The following EIF3H variants were observed in gnomAD, a reference collection of about 807,000 sequenced individuals.
EIF3H encodes the protein eIF-3-gamma.
Under a neutral mutation model 44.2 loss-of-function variants are expected in EIF3H, and 26 were observed. The observed-to-expected ratio is 0.59, with a 90% CI of 0.43 to 0.82. The LOEUF (loss-of-function observed/expected upper bound fraction) is 0.82. Among genes scored for constraint, EIF3H ranks in the 40% least tolerant of loss-of-function variants. The pLI is 0.00. For missense variants in EIF3H, 359 were observed against 432.8 expected (o/e 0.83, Z 1.51); for synonymous variants, 166 against 151.9 (o/e 1.09, Z -0.68).
At chr8:116,735,292 C>A (rs1265476853) in intron 1 of EIF3H, among the ~76,000 whole-genome samples, 4 of 152,188 alleles carry the variant, frequency 2.6e-5, no homozygotes, top group African/African-American at 7.2e-5. Context: ...AAAGTAGAAA[C>A]TGAGACCTTT....
At chr8:116,711,707 G>A (rs1814575291) in intron 2 of EIF3H, among the ~76,000 whole-genome samples, 1 of 152,192 alleles carries the variant, frequency 6.6e-6, no homozygotes, top group Admixed American at 6.5e-5. Flanking sequence ...ACGTAAATAT[G>A]TGTTTATAAC....
intron 5 of EIF3H, among the ~76,000 whole-genome samples, chr8:116,654,702 T>TA (rs987492143): frequency 6.6e-6 from 1 of 152,186 alleles, no homozygotes; most frequent in Non-Finnish European, 1.5e-5. Context: ...CTGGCTGTGT[T>TA]ACTGAGCACT....
At chr8:116,661,179 A>G (rs1227031219) in intron 2 of EIF3H, among the ~76,000 whole-genome samples, 1 of 152,226 alleles carries the variant, frequency 6.6e-6, no homozygotes, top group East Asian at 1.9e-4. Flanking sequence ...ATAAATTTTA[A>G]TCAAATTTAA....
exon 1 of EIF3H, chr8:116,765,842 G>C (rs200020280): frequency 1.3e-5 from 2 of 152,230 alleles, no homozygotes; most frequent in Non-Finnish European, 2.9e-5. Context: ...AAGCTCTTGA[G>C]AGTTCTTCCA....
At chr8:116,761,699 C>T (rs117225639) in intron 1 of EIF3H, among the ~76,000 whole-genome samples, 1,641 of 152,300 alleles carry the variant, frequency 0.011, 16 homozygotes, top group Non-Finnish European at 0.019. Flanking sequence ...ATGATGGGCA[C>T]TTCCTGTTTA....
At chr8:116,699,479 G>A (rs1203329946) in intron 2 of EIF3H, among the ~76,000 whole-genome samples, 1 of 152,124 alleles carries the variant, frequency 6.6e-6, no homozygotes, top group Admixed American at 6.5e-5. Context: ...GTTCTCACTT[G>A]TAAGTGGGAG....
intron 1 of EIF3H, among the ~76,000 whole-genome samples, chr8:116,741,577 G>C (rs1049560524): frequency 3.3e-5 from 5 of 152,246 alleles, no homozygotes; most frequent in Non-Finnish European, 7.3e-5. Flanking sequence ...TCACTGCCTA[G>C]TTGAAGAAGA....
At chr8:116,659,468 C>T (rs1813548137) in intron 2 of EIF3H, among the ~76,000 whole-genome samples, 1 of 152,148 alleles carries the variant, frequency 6.6e-6, no homozygotes, top group South Asian at 2.1e-4. Flanking sequence ...AACCACACTG[C>T]TTATATATGA....
intron 6 of EIF3H, among the ~76,000 whole-genome samples, chr8:116,647,401 ATTG>A (rs77982274): frequency 0.025 from 3,883 of 152,296 alleles, 132 homozygotes; most frequent in Admixed American, 0.095. Flanking sequence ...CTCCTGGCCT[ATTG>A]TTACTATTCT....
intron 2 of EIF3H, among the ~76,000 whole-genome samples, chr8:116,684,690 T>A (rs1489953818): frequency 6.6e-6 from 1 of 152,142 alleles, no homozygotes; most frequent in Non-Finnish European, 1.5e-5. Context: ...AATTCAAAGA[T>A]TGAAGGAAAT....
chr8:116,755,916 A>T, upstream of EIF3H: 1 of 1,545,036 alleles, frequency 6.5e-7, no homozygotes, highest in Non-Finnish European at 8.7e-7. Context: ...AGAAGCCAAA[A>T]TTGGGCCCCG....
chr8:116,677,641 GAC>G (rs1346091528), intron 2 of EIF3H, among the ~76,000 whole-genome samples: 1 of 152,162 alleles, frequency 6.6e-6, no homozygotes, highest in East Asian at 1.9e-4. Flanking sequence ...CAATAAACCT[GAC>G]AGTTTCCATA....
At chr8:116,670,986 A>G (rs977279400) in intron 2 of EIF3H, among the ~76,000 whole-genome samples, 1 of 152,244 alleles carries the variant, frequency 6.6e-6, no homozygotes, top group Non-Finnish European at 1.5e-5. Flanking sequence ...ATTGGACGGC[A>G]AAAACATTAC....
chr8:116,715,952 C>A (rs1400219739), intron 2 of EIF3H, among the ~76,000 whole-genome samples: 2 of 151,996 alleles, frequency 1.3e-5, no homozygotes, highest in Non-Finnish European at 2.9e-5. Flanking sequence ...TCACTTTCAA[C>A]TAGAAGGTAA....
intron 5 of EIF3H, among the ~76,000 whole-genome samples, chr8:116,652,406 A>G (rs1468189512): frequency 6.6e-6 from 1 of 152,196 alleles, no homozygotes; most frequent in Non-Finnish European, 1.5e-5. Flanking sequence ...CAAATAGAAA[A>G]ATTTAGCAGA....
chr8:116,751,943 G>GC, intron 1 of EIF3H, among the ~76,000 whole-genome samples: 1 of 152,266 alleles, frequency 6.6e-6, no homozygotes, highest in African/African-American at 2.4e-5. Flanking sequence ...TGGCTCCAGA[G>GC]CATGTACTTT....
intron 2 of EIF3H, among the ~76,000 whole-genome samples, chr8:116,718,983 A>T (rs1352956887): frequency 1.3e-5 from 2 of 152,192 alleles, no homozygotes; most frequent in Non-Finnish European, 2.9e-5. Context: ...TAAAAACACA[A>T]AAGAATAAAG....
At chr8:116,670,762 T>C (rs1248009462) in intron 2 of EIF3H, among the ~76,000 whole-genome samples, 1 of 152,208 alleles carries the variant, frequency 6.6e-6, no homozygotes, top group Non-Finnish European at 1.5e-5. Flanking sequence ...TAGATATAAA[T>C]AGCTCTACTG....
chr8:116,720,319 T>C lies in EIF3H; in HGVS notation c.289+5697A>G, dbSNP rs539419157. On this transcript the variant is annotated intron_variant, in intron 2 of 7. Coordinates refer to ENST00000521861, the MANE Select transcript of EIF3H (RefSeq NM_003756.3). ...AATTTAAATTTTTACATTGAAAAAA[T>C]ATTAAATGTTTTCATTTAAATGTTT... Among the ~76,000 whole-genome samples the C allele has an allele frequency of 2.0e-5, 3 of 152,314 alleles. No homozygotes were observed. In the South Asian group the frequency reaches 6.2e-4, roughly 32 times the overall value.
Sources: gnomAD v4.1 joint callset for allele counts (sites outside exome capture counted in the v4.1 genomes callset) on GRCh38, gnomAD v4.1.1 for gene constraint, MANE v1.5 for transcripts, NCBI Gene and HGNC (gene_info 2026-07-23, HGNC 2026-07-21) for gene names.